The following GLIS1 variants were observed in gnomAD, a reference collection of about 807,000 sequenced individuals.
GLIS1 encodes zinc finger protein GLIS1.
Under a neutral mutation model 63.8 loss-of-function variants are expected in GLIS1, and 24 were observed. The ratio of observed to expected loss-of-function variants is 0.38; its 90% CI spans 0.27 to 0.53. GLIS1 has a LOEUF of 0.53. GLIS1 is among the 20% of genes least tolerant of loss of function. The pLI is 0.85. For synonymous variants in GLIS1, 450 were observed against 482.5 expected (o/e 0.93, Z 0.88); for missense variants, 1,036 against 1,074.1 (o/e 0.96, Z 0.50).
At chr1:53,712,532 T>C (rs1646656737) in intron 2 of GLIS1, among the ~76,000 whole-genome samples, 1 of 152,200 alleles carries the variant, frequency 6.6e-6, no homozygotes, top group East Asian at 1.9e-4. Flanking sequence ...GTAATACCTG[T>C]GCAGCTCTGG....
chr1:53,687,889 A>G (rs1368049030), intron 2 of GLIS1, among the ~76,000 whole-genome samples: 1 of 151,886 alleles, frequency 6.6e-6, no homozygotes, highest in African/African-American at 2.4e-5. Flanking sequence ...TCTCACCCCA[A>G]CTCGGGGAGC....
intron 2 of GLIS1, among the ~76,000 whole-genome samples, chr1:53,651,316 G>A (rs1217171821): frequency 6.6e-6 from 1 of 152,216 alleles, no homozygotes; most frequent in Non-Finnish European, 1.5e-5. Flanking sequence ...CTATTAAGCA[G>A]TTGGCCGTGA....
At chr1:53,700,879 A>G (rs1646516605) in intron 2 of GLIS1, among the ~76,000 whole-genome samples, 1 of 152,164 alleles carries the variant, frequency 6.6e-6, no homozygotes, top group Non-Finnish European at 1.5e-5. Context: ...ATAACATACG[A>G]CCTTTGTGTC....
chr1:53,556,230 G>C (rs981866472), intron 4 of GLIS1, among the ~76,000 whole-genome samples: 1 of 138,662 alleles, frequency 7.2e-6, no homozygotes, highest in Non-Finnish European at 1.5e-5. Flanking sequence ...GTGTATGCAG[G>C]TGTACTGTAG....
At chr1:53,738,647 A>T (rs1646936823) in intron 1 of GLIS1, among the ~76,000 whole-genome samples, 1 of 152,172 alleles carries the variant, frequency 6.6e-6, no homozygotes, top group South Asian at 2.1e-4. Flanking sequence ...CGACCACCCG[A>T]ACCTGGAAAA....
intron 2 of GLIS1, among the ~76,000 whole-genome samples, chr1:53,709,565 TAAATGGGC>T (rs1210176051): frequency 5.3e-5 from 8 of 151,380 alleles, no homozygotes; most frequent in Non-Finnish European, 1.5e-5. Context: ...CATGAATGGG[TAAATGGGC>T]AAATGGACAA....
At chr1:53,697,381 T>C (rs574847799) in intron 2 of GLIS1, among the ~76,000 whole-genome samples, 1 of 152,208 alleles carries the variant, frequency 6.6e-6, no homozygotes, top group Non-Finnish European at 1.5e-5. Context: ...GCTTTGCACA[T>C]GCAGTTCCTC....
At chr1:53,581,352 A>T (rs1463113494) in intron 4 of GLIS1, among the ~76,000 whole-genome samples, 1 of 152,128 alleles carries the variant, frequency 6.6e-6, no homozygotes, top group Non-Finnish European at 1.5e-5. Flanking sequence ...CCCACTTCAT[A>T]GGACAAGAGT....
At chr1:53,518,452 G>C (rs1329520361) in intron 7 of GLIS1, among the ~76,000 whole-genome samples, 1 of 152,254 alleles carries the variant, frequency 6.6e-6, no homozygotes, top group Non-Finnish European at 1.5e-5. Context: ...GGCTGTGCAT[G>C]ATTGTAAGGT....
intron 2 of GLIS1, among the ~76,000 whole-genome samples, chr1:53,725,021 C>A (rs1646791825): frequency 6.6e-6 from 1 of 152,138 alleles, no homozygotes. Flanking sequence ...AATAGCTCTT[C>A]CGTATTCTGA....
intron 2 of GLIS1, among the ~76,000 whole-genome samples, chr1:53,655,499 A>G (rs1445768085): frequency 6.6e-6 from 1 of 152,198 alleles, no homozygotes; most frequent in Admixed American, 6.5e-5. Context: ...TCATACAGTC[A>G]TTGTGAAGAC....
At position 53,584,663 on chromosome 1, in the gene GLIS1, A is replaced by T. The variant is rs188922687; in HGVS notation, c.1320+9445T>A. 3.0e-3 allele frequency among the ~76,000 whole-genome samples: 459 copies of T among 152,296 alleles called. 1 individual carries two copies. Among genetic ancestry groups the T allele is most frequent in the Non-Finnish European group, 5.1e-3 (349 of 68,014 alleles). On this transcript the variant is annotated intron_variant, in intron 4 of 10. Coordinates refer to ENST00000628545, the MANE Select transcript of GLIS1 (RefSeq NM_001367484.1). ...ACAGATTAGCCCAAGGCTGTCTCCC[A>T]AGGGAAGGGCACAGTTAAGGAAGGA...
Position 53,625,577 on chromosome 1 carries a change from C to T in GLIS1, c.260-25299G>A, listed in dbSNP as rs1017285989. On this transcript the variant is annotated intron_variant, in intron 2 of 10. Transcript: ENST00000628545. ...ACATCTCCTGTTGACATTCTTGTCT[C>T]CCCATCTTAGATGGCATCCCCCAGG... 2.6e-5 allele frequency among the ~76,000 whole-genome samples: 4 copies of T among 152,220 alleles called. No individual in the cohort carries two copies. In the South Asian group the frequency reaches 6.2e-4, roughly 24 times the overall value.
intron 4 of GLIS1, among the ~76,000 whole-genome samples, chr1:53,551,721 C>T (rs868402589): frequency 6.6e-6 from 1 of 152,098 alleles, no homozygotes; most frequent in Non-Finnish European, 1.5e-5. Context: ...GCTCCCACCT[C>T]TGCCCTCCCT....
At chr1:53,582,332 T>A (rs909741034) in intron 4 of GLIS1, among the ~76,000 whole-genome samples, 4 of 152,194 alleles carry the variant, frequency 2.6e-5, no homozygotes, top group African/African-American at 9.6e-5. Context: ...ACCTTCCCAA[T>A]GCACTAAGAA....
chr1:53,547,071 G>T (rs1015561767), intron 4 of GLIS1, among the ~76,000 whole-genome samples: 1 of 152,254 alleles, frequency 6.6e-6, no homozygotes, highest in Non-Finnish European at 1.5e-5. Context: ...CGCTGTGCTC[G>T]ATCAGGGTTA....
intron 4 of GLIS1, among the ~76,000 whole-genome samples, chr1:53,561,186 G>A (rs1263557965): frequency 6.6e-6 from 1 of 152,230 alleles, no homozygotes; most frequent in Non-Finnish European, 1.5e-5. Flanking sequence ...GCTCAGAGAG[G>A]CTACACCACT....
At chr1:53,695,815 C>A (rs1443807870) in intron 2 of GLIS1, among the ~76,000 whole-genome samples, 1 of 152,234 alleles carries the variant, frequency 6.6e-6, no homozygotes, top group Non-Finnish European at 1.5e-5. Context: ...TCATTTAGCT[C>A]TAGCAACTAC....
Position 53,594,760 on chromosome 1 carries a change from C to T in GLIS1, c.668G>A (p.Gly223Asp), listed in dbSNP as rs201853346. The stretch of plus-strand genomic sequence containing the variant: ...GTGGGTCTCGGGCTGGAGGCCCAGG[C>T]CAGAGCTGGGTTCGCTGCCCAGAAG... ...CYLLGSEPSS[G>D]LGLQPETHLP... The change falls in exon 4 of 11, where the codon GGC becomes GAC. Residue 223 changes from glycine to aspartate, a missense_variant. By Grantham distance (94) the Gly-to-Asp change is moderately conservative. Around this residue, in one of 3 missense-constraint regions of GLIS1, gnomAD observed 592 missense variants for 593.9 expected, o/e 1.00. Transcript: ENST00000628545. The T allele has an allele frequency of 2.5e-5, 40 of 1,593,872 alleles. No individual in the cohort carries two copies. In the African/African-American group the frequency reaches 3.1e-4, roughly 12 times the overall value.
Sources: gnomAD v4.1 joint callset for allele counts (sites outside exome capture counted in the v4.1 genomes callset) on GRCh38, gnomAD v4.1.1 for gene constraint, gnomAD v4.1.1 regional missense constraint, MANE v1.5 for transcripts, NCBI Gene and HGNC (gene_info 2026-07-23, HGNC 2026-07-21) for gene names.